Variants in CNR2 observed in about 807,000 individuals in gnomAD.
The protein encoded by CNR2 is cannabinoid receptor 2 (macrophage).
For synonymous variants in CNR2, 172 were observed against 182.2 expected, an observed-to-expected ratio of 0.94 and a Z score of 0.45; for missense variants, 379 against 439.9, an observed-to-expected ratio of 0.86 and a Z score of 1.24.
intron 1 of CNR2, among the ~76,000 whole-genome samples, chr1:23,888,401 A>T (rs1018573615): frequency 2.6e-5 from 4 of 152,086 alleles, no homozygotes; most frequent in African/African-American, 7.2e-5. Flanking sequence ...TGAGATGCCA[A>T]ATGGGCTGAT....
At chr1:23,905,303 C>G (rs979519616) in intron 1 of CNR2, among the ~76,000 whole-genome samples, 1 of 151,072 alleles carries the variant, frequency 6.6e-6, no homozygotes, top group African/African-American at 2.4e-5. Context: ...GCCTCAGCTT[C>G]CCAAGTAGCT....
At position 23,875,554 on chromosome 1, in the gene CNR2, T is replaced by C. The variant is rs755226163; in HGVS notation, c.64A>G (p.Met22Val). The C allele has an allele frequency of 1.1e-5, 17 of 1,613,778 alleles. No homozygotes were observed. The East Asian group carries it at 2.2e-4, about 21-fold the overall frequency. The change falls in exon 2 of 2, where the codon ATG becomes GTG. Residue 22 changes from methionine (M) to valine (V), a missense_variant. Physicochemically the swap from Met to Val is conservative, Grantham distance 21 (BLOSUM62 1). Coordinates refer to ENST00000374472, the MANE Select transcript of CNR2 (RefSeq NM_001841.3). ...CCACTCAGGATCATGTAATCCTTCATAGGGTTGGAATCCAAGCCATCCTTG... is the reference window on the plus strand; with the variant it reads ...CCACTCAGGATCATGTAATCCTTCACAGGGTTGGAATCCAAGCCATCCTTG... ...GSKDGLDSNP[M>V]KDYMILSGPQ... is the part of the protein sequence containing the mutation.
intron 1 of CNR2, chr1:23,902,320 G>T: frequency 6.4e-7 from 1 of 1,551,452 alleles, no homozygotes; most frequent in Non-Finnish European, 8.8e-7. Context: ...TCCCAGCAGC[G>T]CTGGGTCAGG....
In CNR2 at chr1:23,894,267, T is replaced by C. The variant is rs2148465889; in HGVS notation, c.-45-18605A>G. Among the ~76,000 whole-genome samples the C allele has an allele frequency of 2.7e-5, 4 of 149,494 alleles. No individual in the cohort carries two copies. The South Asian group carries it at 8.4e-4, about 32-fold the overall frequency. ...GAAACTTCATCTCTACAGTAAAAAA[T>C]ACAAAAGTAACTGGGCGTTGTGGCT... On this transcript the variant is annotated intron_variant, in intron 1 of 1. Coordinates refer to ENST00000374472, the MANE Select transcript of CNR2 (RefSeq NM_001841.3).
chr1:23,899,252 G>T (rs2502976), intron 1 of CNR2, among the ~76,000 whole-genome samples: 3 of 152,060 alleles, frequency 2.0e-5, no homozygotes, highest in Non-Finnish European at 4.4e-5. Context: ...TCATATATCT[G>T]GTGCCAGACC....
chr1:23,906,924 C>T, intron 1 of CNR2, among the ~76,000 whole-genome samples: 1 of 151,406 alleles, frequency 6.6e-6, no homozygotes, highest in Non-Finnish European at 1.5e-5. Flanking sequence ...ATGTCTCAGG[C>T]CCCTATTTGC....
At chr1:23,883,797 T>A (rs1273787348) in intron 1 of CNR2, among the ~76,000 whole-genome samples, 3 of 151,936 alleles carry the variant, frequency 2.0e-5, no homozygotes, top group African/African-American at 7.3e-5. Flanking sequence ...TGCACTCCAG[T>A]CTGGGTGACA....
At chr1:23,882,299 C>A (rs7541713) in intron 1 of CNR2, among the ~76,000 whole-genome samples, 109,955 of 151,444 alleles carry the variant, frequency 0.73, 40,666 homozygotes, top group Middle Eastern at 0.79. Context: ...TTCACGCTCA[C>A]GTGTGAGATG....
intron 1 of CNR2, among the ~76,000 whole-genome samples, chr1:23,880,857 T>G (rs1254354127): frequency 6.7e-6 from 1 of 150,192 alleles, no homozygotes; most frequent in East Asian, 1.9e-4. Context: ...GCCTATAGTT[T>G]ATATATGTAA....
chr1:23,872,500 A>G lies in CNR2; in HGVS notation c.*2035T>C, dbSNP rs1439408567. 6.6e-6 allele frequency: 1 copy of G among 152,074 alleles called. No individual in the cohort carries two copies. The highest frequency in any genetic ancestry group is 1.5e-5 in the Non-Finnish European group (1 of 68,014). 9.4% of individuals were successfully genotyped at this position (152,074 alleles called of 1,614,324 possible). A position where few individuals can be genotyped will look rare whatever the true frequency, so the allele number is the denominator to read the frequency against. ...CTACAGATAGCTAATATTATCCCTA[A>G]TGAGCAATAATCAAGCAGAATTTGA... On this transcript the variant is annotated 3_prime_UTR_variant, in exon 2 of 2. Coordinates refer to ENST00000374472, the MANE Select transcript of CNR2 (RefSeq NM_001841.3).
At chr1:23,911,320 A>T (rs1640579617) in intron 1 of CNR2, among the ~76,000 whole-genome samples, 1 of 152,048 alleles carries the variant, frequency 6.6e-6, no homozygotes, top group South Asian at 2.1e-4. Flanking sequence ...TATATCCTGG[A>T]TGTCAAAATG....
At position 23,874,798 on chromosome 1, in the gene CNR2, T is replaced by C; in HGVS notation, c.820A>G (p.Ser274Gly). 1 of 1,614,150 alleles carries C rather than the reference T, an allele frequency of 6.2e-7. No homozygotes were observed. The highest frequency in any genetic ancestry group is 8.5e-7 in the Non-Finnish European group (1 of 1,180,028). Residue 274 changes from serine (S) to glycine (G), a missense_variant, in exon 2 of 2, where the codon AGT becomes GGT. Ser to Gly is a moderately conservative substitution (Grantham distance 56). Coordinates refer to ENST00000374472, the MANE Select transcript of CNR2 (RefSeq NM_001841.3). ...GCAAAGGCCTTCTTGACCTGGTCAC[T>C]GAGCGTAGTGGCCAGGCTGTGGGCC... Reference protein sequence around the residue: ...LMAHSLATTLSDQVKKAFAFC... With the variant: ...LMAHSLATTLGDQVKKAFAFC...
chr1:23,899,522 A>G (rs1168778429), intron 1 of CNR2, among the ~76,000 whole-genome samples: 1 of 151,796 alleles, frequency 6.6e-6, no homozygotes, highest in Non-Finnish European at 1.5e-5. Context: ...AAGATTAGAA[A>G]TTATGGTTTA....
chr1:23,894,275 T>C (rs1452123324), intron 1 of CNR2, among the ~76,000 whole-genome samples: 2 of 151,230 alleles, frequency 1.3e-5, no homozygotes, highest in Admixed American at 6.6e-5. Flanking sequence ...AATACAAAAG[T>C]AACTGGGCGT....
chr1:23,875,447 C>T lies in CNR2; in HGVS notation c.171G>A (p.Leu57=), dbSNP rs759118298. The T allele has an allele frequency of 4.3e-6, 7 of 1,614,180 alleles. No individual in the cohort carries two copies. In the Admixed American group the frequency reaches 1.2e-4, roughly 27 times the overall value. ...SALENVAVLY[L]ILSSHQLRRK... is the part of the protein sequence containing the mutation. ...GGCGGAGTTGGTGGGAGGACAGGAT[C>T]AGATAGAGCACAGCCACGTTCTCCA... The change falls in exon 2 of 2, where the codon CTG becomes CTA. Residue 57 remains leucine (L), a synonymous_variant. Coordinates refer to ENST00000374472, the MANE Select transcript of CNR2 (RefSeq NM_001841.3).
At chr1:23,894,225 A>G (rs1640237838) in intron 1 of CNR2, among the ~76,000 whole-genome samples, 1 of 151,754 alleles carries the variant, frequency 6.6e-6, no homozygotes, top group Non-Finnish European at 1.5e-5. Flanking sequence ...GTTCAAGACC[A>G]GCCTGACCAA....
intron 1 of CNR2, among the ~76,000 whole-genome samples, chr1:23,884,502 C>T (rs1332463056): frequency 6.6e-6 from 1 of 150,946 alleles, no homozygotes; most frequent in African/African-American, 2.4e-5. Context: ...GACGGGGTTT[C>T]ACCATGTTGG....
At chr1:23,905,707 T>C (rs547845163) in intron 1 of CNR2, among the ~76,000 whole-genome samples, 1 of 152,052 alleles carries the variant, frequency 6.6e-6, no homozygotes, top group South Asian at 2.1e-4. Context: ...AAACCTGGCA[T>C]GAGGACTCAG....
intron 1 of CNR2, among the ~76,000 whole-genome samples, chr1:23,891,155 C>A: frequency 6.6e-6 from 1 of 151,812 alleles, no homozygotes; most frequent in East Asian, 2.0e-4. Context: ...GTTGAGATTA[C>A]AGGCGTGAGC....
Sources: gnomAD v4.1 joint callset for allele counts (sites outside exome capture counted in the v4.1 genomes callset) on GRCh38, gnomAD v4.1.1 for gene constraint, MANE v1.5 for transcripts, NCBI Gene and HGNC (gene_info 2026-07-23, HGNC 2026-07-21) for gene names.